The following ACSM6 variants were observed in gnomAD, a reference collection of about 807,000 sequenced individuals.
ACSM6 encodes the protein acyl-CoA synthetase medium chain family member 6.
A neutral mutation model predicts 51.1 loss-of-function variants in ACSM6; 35 were observed. The observed-to-expected ratio is 0.69, with a 90% CI of 0.52 to 0.91. ACSM6 has a LOEUF of 0.91. Ranked by LOEUF, ACSM6 falls within the 40% of genes least tolerant of loss-of-function variation. ACSM6 has a pLI of 0.00. For synonymous variants in ACSM6, 172 were observed against 207.3 expected, an observed-to-expected ratio of 0.83 and a Z score of 1.46; for missense variants, 509 against 584.1, an observed-to-expected ratio of 0.87 and a Z score of 1.32.
chr10:95,202,147 C>T, exon 3 of ACSM6: 8 of 1,552,230 alleles, frequency 5.2e-6, no homozygotes, highest in Non-Finnish European at 6.1e-6. Flanking sequence ...GATAATCTTG[C>T]CCCCAACACC....
intron 3 of ACSM6, among the ~76,000 whole-genome samples, chr10:95,203,152 T>A (rs2034810809): frequency 1.3e-5 from 2 of 151,982 alleles, no homozygotes. Flanking sequence ...TAGATTCTCA[T>A]AGGAGCGCAA....
chr10:95,212,977 C>T, intron 7 of ACSM6, 37 bp downstream of exon 7: 2 of 1,514,544 alleles, frequency 1.3e-6, no homozygotes, highest in Non-Finnish European at 9.2e-7. Context: ...TCCATTTCCA[C>T]TCATGGTACC....
chr10:95,198,482 C>T (rs974433015), intron 2 of ACSM6, among the ~76,000 whole-genome samples: 38 of 152,110 alleles, frequency 2.5e-4, no homozygotes, highest in African/African-American at 8.7e-4. Context: ...GAAACCCCAT[C>T]TCTACTAAAG....
intron 7 of ACSM6, among the ~76,000 whole-genome samples, chr10:95,214,190 T>A (rs1183775480): frequency 6.6e-6 from 1 of 152,220 alleles, no homozygotes; most frequent in African/African-American, 2.4e-5. Flanking sequence ...AGTTATTATC[T>A]AATACAGATG....
rs568219938 is a variant in ACSM6 at position 95,199,196 on chromosome 10, G to T, written c.193-2789G>T. Reference sequence around the variant, plus strand: ...AAACAGAGCCCTCAGAAATAATGCCGCATATCTACAACTATCTGATCTTTG... The same window carrying T: ...AAACAGAGCCCTCAGAAATAATGCCTCATATCTACAACTATCTGATCTTTG... On this transcript the variant is annotated intron_variant, in intron 2 of 10. Transcript: ENST00000341686. Among the ~76,000 whole-genome samples, 5 of 152,060 alleles carry T rather than the reference G, an allele frequency of 3.3e-5. No homozygotes were observed. The East Asian group carries it at 7.7e-4, about 23-fold the overall frequency.
chr10:95,225,470 AT>A (rs1230087273), intron 10 of ACSM6, 79 bp downstream of exon 10: 2 of 1,028,068 alleles, frequency 1.9e-6, no homozygotes, highest in Non-Finnish European at 2.7e-6. Flanking sequence ...GTACTTTATG[AT>A]TTGCCAAATA....
chr10:95,220,882 T>G (rs887392445), intron 9 of ACSM6, among the ~76,000 whole-genome samples: 1 of 136,734 alleles, frequency 7.3e-6, no homozygotes, highest in African/African-American at 2.4e-5. Flanking sequence ...AAAATAGTTT[T>G]TCTCTATTAA....
At chr10:95,198,009 C>A (rs1394408322) in intron 2 of ACSM6, among the ~76,000 whole-genome samples, 2 of 152,226 alleles carry the variant, frequency 1.3e-5, no homozygotes, top group African/African-American at 4.8e-5. Context: ...AACCCTAGAT[C>A]CCTTAAACCT....
chr10:95,214,343 A>G (rs896673146), intron 7 of ACSM6, among the ~76,000 whole-genome samples: 3 of 152,100 alleles, frequency 2.0e-5, no homozygotes, highest in Non-Finnish European at 2.9e-5. Context: ...TCAAATAAAC[A>G]TAAAATGAAT....
intron 10 of ACSM6, chr10:95,226,257 T>A (rs2133396499): frequency 6.6e-6 from 1 of 152,298 alleles, no homozygotes; most frequent in African/African-American, 2.4e-5. Context: ...GATTCTTTTC[T>A]TTTTGGAAAC....
exon 6 of ACSM6, chr10:95,212,030 T>C (rs2034898290): frequency 6.2e-7 from 1 of 1,613,902 alleles, no homozygotes; most frequent in African/African-American, 1.3e-5. Flanking sequence ...GAGACTGTTC[T>C]AAATGTAAGA....
chr10:95,214,745 T>C, intron 7 of ACSM6, 107 bp from the exon 8 acceptor site: 1 of 1,280,448 alleles, frequency 7.8e-7, no homozygotes, highest in Non-Finnish European at 1.1e-6. Flanking sequence ...TAATGAGCAT[T>C]TCCTGTATTG....
At position 95,221,845 on chromosome 10, in the gene ACSM6, C is replaced by A. The variant is rs530589767; in HGVS notation, c.1200+1874C>A. 5.7e-4 allele frequency among the ~76,000 whole-genome samples: 87 copies of A among 152,120 alleles called. 1 individual carries two copies. The highest frequency in any genetic ancestry group is 6.2e-4 in the Non-Finnish European group (42 of 68,012). Reference sequence around the variant, plus strand: ...GACATGATAATCTCAAAAGACACAGCAAAAGCATTCCACAAGATTCAACAC... The same window carrying A: ...GACATGATAATCTCAAAAGACACAGAAAAAGCATTCCACAAGATTCAACAC... On this transcript the variant is annotated intron_variant, in intron 9 of 10. Coordinates refer to ENST00000341686, the Ensembl canonical transcript of ACSM6.
chr10:95,227,637 T>C (rs1184172659), intron 10 of ACSM6, among the ~76,000 whole-genome samples: 1 of 152,204 alleles, frequency 6.6e-6, no homozygotes, highest in Non-Finnish European at 1.5e-5. Context: ...CCTACTGGGA[T>C]TATTGTGCTG....
chr10:95,225,194 T>A, intron 9 of ACSM6, 96 bp from the exon 10 acceptor site: 1 of 877,000 alleles, frequency 1.1e-6, no homozygotes, highest in African/African-American at 1.7e-5. Flanking sequence ...GCATCTTAAA[T>A]GGGGGTAGAA....
At chr10:95,223,190 A>G (rs1159991269) in intron 9 of ACSM6, among the ~76,000 whole-genome samples, 3 of 148,740 alleles carry the variant, frequency 2.0e-5, no homozygotes, top group African/African-American at 7.5e-5. Context: ...ACACACACAC[A>G]CTTCCCACAA....
intron 9 of ACSM6, among the ~76,000 whole-genome samples, chr10:95,222,026 C>T (rs1041123439): frequency 2.0e-5 from 3 of 152,162 alleles, no homozygotes; most frequent in African/African-American, 7.2e-5. Context: ...GGAAATGATA[C>T]ACATTCTCAC....
At chr10:95,201,369 C>T in intron 2 of ACSM6, 1 of 420,460 alleles carries the variant, frequency 2.4e-6, no homozygotes, top group Non-Finnish European at 4.8e-6. Flanking sequence ...CATATGTACC[C>T]ACTGTTTAAC....
At chr10:95,202,635 G>A (rs1403288510) in intron 3 of ACSM6, among the ~76,000 whole-genome samples, 1 of 152,076 alleles carries the variant, frequency 6.6e-6, no homozygotes, top group African/African-American at 2.4e-5. Context: ...AAAAGAGAAT[G>A]TAGGGGTACT....
Sources: gnomAD v4.1 joint callset for allele counts (sites outside exome capture counted in the v4.1 genomes callset) on GRCh38, gnomAD v4.1.1 for gene constraint, MANE v1.5 for transcripts, NCBI Gene and HGNC (gene_info 2026-07-23, HGNC 2026-07-21) for gene names.